UBE2E2: variants seen among roughly 807,000 people sequenced by gnomAD.
The protein encoded by UBE2E2 is ubiquitin conjugating enzyme E2 E2, also known as ubiquitin-conjugating enzyme E2 E2.
Under a neutral mutation model 24.7 loss-of-function variants are expected in UBE2E2, and 6 were observed. That is an observed-to-expected ratio of 0.24 (90% CI 0.13 to 0.48). The LOEUF (loss-of-function observed/expected upper bound fraction) is 0.48. Ranked by LOEUF, UBE2E2 falls within the 20% of genes least tolerant of loss-of-function variation. The pLI, the probability that UBE2E2 is intolerant of heterozygous loss-of-function variation, is 0.99. For missense variants in UBE2E2, 169 were observed against 245.0 expected, an observed-to-expected ratio of 0.69 and a Z score of 2.07; for synonymous variants, 104 against 83.6, an observed-to-expected ratio of 1.24 and a Z score of -1.33.
rs528030608 is a variant in UBE2E2 at position 23,268,756 on chromosome 3, G to C, written c.227+51444G>C. The stretch of plus-strand genomic sequence containing the variant: ...GCCCGCATTGCCAAGTCAATCCTAA[G>C]CCAAAAGAACGAAGCTGGAGGCATC... On this transcript the variant is annotated intron_variant, in intron 3 of 5. Coordinates refer to ENST00000396703, the MANE Select transcript of UBE2E2 (RefSeq NM_152653.4). Among the ~76,000 whole-genome samples the C allele has an allele frequency of 2.7e-5, 4 of 148,744 alleles. No homozygotes were observed. The East Asian group carries it at 7.9e-4, about 29-fold the overall frequency.
intron 3 of UBE2E2, among the ~76,000 whole-genome samples, chr3:23,395,178 G>C (rs1035410147): frequency 6.6e-6 from 1 of 152,158 alleles, no homozygotes; most frequent in Non-Finnish European, 1.5e-5. Context: ...ATCTTAAAAT[G>C]TATTTAGAAC....
Position 23,351,973 on chromosome 3 carries a change from A to G in UBE2E2, c.227+134661A>G, listed in dbSNP as rs577899582. ...CCACACCTATTGCAAAATTGACCAC[A>G]TAATTGGAAGTAAAGCTCTCCTCAG... On this transcript the variant is annotated intron_variant, in intron 3 of 5. Transcript: ENST00000396703. Among the ~76,000 whole-genome samples, 7 of 152,326 alleles carry G rather than the reference A, an allele frequency of 4.6e-5. No individual in the cohort carries two copies. The East Asian group carries it at 1.2e-3, about 25-fold the overall frequency.
At chr3:23,347,277 G>A (rs1015328216) in intron 3 of UBE2E2, among the ~76,000 whole-genome samples, 6 of 152,256 alleles carry the variant, frequency 3.9e-5, no homozygotes, top group Admixed American at 6.5e-5. Flanking sequence ...GGCACTATTC[G>A]CAGTAGCAGA....
intron 3 of UBE2E2, among the ~76,000 whole-genome samples, chr3:23,300,925 C>G (rs1325916453): frequency 6.6e-6 from 1 of 152,184 alleles, no homozygotes; most frequent in Non-Finnish European, 1.5e-5. Context: ...GTACACCAAT[C>G]AGACGTAGAT....
At chr3:23,561,519 T>C (rs2125504935) in intron 5 of UBE2E2, among the ~76,000 whole-genome samples, 2 of 152,264 alleles carry the variant, frequency 1.3e-5, no homozygotes, top group Non-Finnish European at 2.9e-5. Context: ...GCCTCCAGCT[T>C]TGTTCTTTTG....
At chr3:23,481,566 T>G (rs1015730643) in intron 3 of UBE2E2, among the ~76,000 whole-genome samples, 9 of 152,226 alleles carry the variant, frequency 5.9e-5, no homozygotes, top group Non-Finnish European at 8.8e-5. Flanking sequence ...TAGGGATTGG[T>G]CTTTCCAAGG....
At chr3:23,226,711 C>T (rs775244363) in intron 3 of UBE2E2, among the ~76,000 whole-genome samples, 11 of 151,988 alleles carry the variant, frequency 7.2e-5, no homozygotes, top group Non-Finnish European at 1.0e-4. Flanking sequence ...ACAGGTTGGC[C>T]CTCCTTCCCA....
intron 3 of UBE2E2, among the ~76,000 whole-genome samples, chr3:23,353,208 A>G (rs1199977029): frequency 6.6e-6 from 1 of 152,196 alleles, no homozygotes; most frequent in Non-Finnish European, 1.5e-5. Flanking sequence ...AAAACTCTCA[A>G]TAAATTAGGT....
At chr3:23,341,471 T>C (rs1021050383) in intron 3 of UBE2E2, among the ~76,000 whole-genome samples, 1 of 152,128 alleles carries the variant, frequency 6.6e-6, no homozygotes, top group Admixed American at 6.5e-5. Flanking sequence ...ATAAATACAG[T>C]ATATGTTTTT....
At chr3:23,298,296 T>C (rs1255429817) in intron 3 of UBE2E2, among the ~76,000 whole-genome samples, 3 of 151,994 alleles carry the variant, frequency 2.0e-5, no homozygotes, top group Admixed American at 1.3e-4. Flanking sequence ...TCCTGCCTAA[T>C]TGCCCTGGCC....
At chr3:23,584,751 T>G (rs887099632) in intron 5 of UBE2E2, among the ~76,000 whole-genome samples, 2 of 131,080 alleles carry the variant, frequency 1.5e-5, no homozygotes, top group Admixed American at 7.4e-5. Context: ...TTTTTTTTTT[T>G]GTAGAGATGG....
intron 2 of UBE2E2, among the ~76,000 whole-genome samples, chr3:23,212,516 A>G (rs887497794): frequency 1.3e-5 from 2 of 152,134 alleles, no homozygotes; most frequent in East Asian, 1.9e-4. Context: ...TGAATTTTAT[A>G]TCATATTTAT....
chr3:23,363,379 G>T (rs987324869), intron 3 of UBE2E2, among the ~76,000 whole-genome samples: 2 of 152,150 alleles, frequency 1.3e-5, no homozygotes, highest in African/African-American at 4.8e-5. Context: ...AAGCAAGATC[G>T]AACTGTATCC....
At chr3:23,506,662 C>A (rs553970690) in intron 4 of UBE2E2, among the ~76,000 whole-genome samples, 3 of 152,152 alleles carry the variant, frequency 2.0e-5, no homozygotes, top group Non-Finnish European at 4.4e-5. Flanking sequence ...CTGAAAGATT[C>A]CTTTTTTATT....
intron 3 of UBE2E2, among the ~76,000 whole-genome samples, chr3:23,222,062 A>C (rs891392158): frequency 1.3e-5 from 2 of 152,006 alleles, no homozygotes; most frequent in African/African-American, 2.4e-5. Flanking sequence ...TTTGAGATCT[A>C]CATTTTTAGC....
intron 4 of UBE2E2, among the ~76,000 whole-genome samples, chr3:23,508,316 G>A (rs537983310): frequency 1.3e-5 from 2 of 152,132 alleles, no homozygotes; most frequent in African/African-American, 4.8e-5. Context: ...AGTAGGATTG[G>A]GTTTTGTTTT....
intron 4 of UBE2E2, 98 bp from the exon 5 acceptor site, chr3:23,532,456 G>T: frequency 2.7e-6 from 3 of 1,110,886 alleles, no homozygotes; most frequent in Non-Finnish European, 3.6e-6. Context: ...GGGCTATTTT[G>T]TCTGATAAAA....
At chr3:23,321,969 T>G (rs1035262070) in intron 3 of UBE2E2, among the ~76,000 whole-genome samples, 1 of 152,080 alleles carries the variant, frequency 6.6e-6, no homozygotes, top group African/African-American at 2.4e-5. Context: ...CAATGTTATT[T>G]TTCAACATAC....
At chr3:23,549,113 T>C (rs1695584548) in intron 5 of UBE2E2, among the ~76,000 whole-genome samples, 1 of 152,264 alleles carries the variant, frequency 6.6e-6, no homozygotes, top group African/African-American at 2.4e-5. Context: ...ATTAAAGTCC[T>C]ATACTTTGTA....
Sources: gnomAD v4.1 joint callset for allele counts (sites outside exome capture counted in the v4.1 genomes callset) on GRCh38, gnomAD v4.1.1 for gene constraint, MANE v1.5 for transcripts, NCBI Gene and HGNC (gene_info 2026-07-23, HGNC 2026-07-21) for gene names.